Variants in SEC23IP observed in about 807,000 individuals in gnomAD.
SEC23IP encodes the protein SEC23-interacting protein.
In SEC23IP, 70 loss-of-function variants were observed where a neutral mutation model predicts 113.4. That is an observed-to-expected ratio of 0.62 (90% confidence interval 0.51 to 0.75). The LOEUF is 0.75. SEC23IP is among the 30% of genes least tolerant of loss of function. SEC23IP has a pLI of 0.00. For missense variants in SEC23IP, 1,160 were observed against 1,204.9 expected, an observed-to-expected ratio of 0.96 and a Z score of 0.55; for synonymous variants, 398 against 421.0, an observed-to-expected ratio of 0.95 and a Z score of 0.67.
rs530014265 is a variant in SEC23IP, at chr10:119,936,025, A to G, written c.*20+2238A>G. The stretch of plus-strand genomic sequence containing the variant: ...GGCATTGAAGTTATTCTAATCTTTT[A>G]TTAGTATGAACAGTACTACAGTGAT... On this transcript the variant is annotated intron_variant, in intron 18 of 18. Coordinates refer to ENST00000369075, the MANE Select transcript of SEC23IP (RefSeq NM_007190.4). Among the ~76,000 whole-genome samples, 217 of 152,344 alleles carry G rather than the reference A, an allele frequency of 1.4e-3. 4 individuals are homozygous for G. Among genetic ancestry groups the G allele is most frequent in the Non-Finnish European group, 4.4e-4 (30 of 68,032 alleles).
chr10:119,904,564 A>G (rs1418977447), intron 4 of SEC23IP: 1 of 288,626 alleles, frequency 3.5e-6, no homozygotes, highest in African/African-American at 2.2e-5. Flanking sequence ...TGTTGTTGAT[A>G]GAAGATGCCA....
At chr10:119,927,425 T>G (rs1374463751) in intron 13 of SEC23IP, among the ~76,000 whole-genome samples, 1 of 152,206 alleles carries the variant, frequency 6.6e-6, no homozygotes, top group East Asian at 1.9e-4. Flanking sequence ...CTCTGAAACT[T>G]GGAGGGGAAT....
chr10:119,907,252 C>A (rs12359130), intron 4 of SEC23IP, among the ~76,000 whole-genome samples: 2 of 151,362 alleles, frequency 1.3e-5, no homozygotes, highest in East Asian at 3.9e-4. Context: ...GCTGAGATCA[C>A]GCCATTGCAC....
At chr10:119,896,369 G>A (rs1332874998) in intron 1 of SEC23IP, among the ~76,000 whole-genome samples, 2 of 152,320 alleles carry the variant, frequency 1.3e-5, no homozygotes, top group South Asian at 2.1e-4. Flanking sequence ...GAGGTTTCTG[G>A]TTTGAATGTC....
At chr10:119,908,259 A>C (rs1472334024) in intron 4 of SEC23IP, among the ~76,000 whole-genome samples, 1 of 152,102 alleles carries the variant, frequency 6.6e-6, no homozygotes, top group East Asian at 1.9e-4. Flanking sequence ...GCCCACATGA[A>C]AAAAAAGAAA....
chr10:119,905,035 G>A (rs1589826264), intron 4 of SEC23IP, among the ~76,000 whole-genome samples: 1 of 152,116 alleles, frequency 6.6e-6, no homozygotes, highest in East Asian at 1.9e-4. Flanking sequence ...TCGGGAGGCT[G>A]AAGAGGAAGG....
At chr10:119,902,591 A>G (rs1232759713) in intron 2 of SEC23IP, among the ~76,000 whole-genome samples, 2 of 152,102 alleles carry the variant, frequency 1.3e-5, no homozygotes. Flanking sequence ...TGGGGTATAG[A>G]TATCCCTCAC....
chr10:119,917,807 G>T, intron 8 of SEC23IP, 29 bp from the exon 9 acceptor site: 1 of 1,552,400 alleles, frequency 6.4e-7, no homozygotes, highest in South Asian at 1.1e-5. Flanking sequence ...GATGCTGACT[G>T]AATGTGCTGT....
Position 119,898,887 on chromosome 10 carries a change from C to T in SEC23IP, c.624C>T (p.Gly208=). The change falls in exon 2 of 19, where the codon GGC becomes GGT. Residue 208 remains glycine (G), a synonymous_variant. Transcript: ENST00000369075. ...PPQLQQCQTP[G]PPAHPPPSGP... ...AGCTGCAGCAGTGCCAAACACCAGG[C>T]CCTCCTGCTCATCCTCCACCTTCTG... 2 of 1,606,448 alleles carry T rather than the reference C, an allele frequency of 1.2e-6. No homozygotes were observed. Among genetic ancestry groups the T allele is most frequent in the Non-Finnish European group, 1.7e-6 (2 of 1,179,912 alleles).
intron 1 of SEC23IP, among the ~76,000 whole-genome samples, chr10:119,895,677 A>G (rs1253739743): frequency 6.6e-6 from 1 of 152,192 alleles, no homozygotes; most frequent in Non-Finnish European, 1.5e-5. Context: ...AAGGATACAT[A>G]GAAGTGAGGG....
intron 4 of SEC23IP, among the ~76,000 whole-genome samples, chr10:119,905,182 GTA>G (rs985364912): frequency 6.6e-6 from 1 of 151,624 alleles, no homozygotes; most frequent in Non-Finnish European, 1.5e-5. Context: ...ATGTGTGTGT[GTA>G]TATATATAAA....
rs199559061 is a variant in SEC23IP, at chr10:119,901,045, G to C, written c.697-1754G>C. Among the ~76,000 whole-genome samples the C allele has an allele frequency of 3.1e-4, 27 of 87,378 alleles. 1 individual carries two copies. The highest frequency in any genetic ancestry group is 8.5e-4 in the African/African-American group (20 of 23,626). The allele number at this position is 87,378 out of a possible 152,430, so 57.3% of individuals were successfully genotyped here. A position where few individuals can be genotyped will look rare whatever the true frequency, so the allele number is the denominator to read the frequency against. ...CTTCTTTTTTTTTTTTTTAAAGAGT[G>C]GGGGGGGGGTCTTGCTCTGTCATCC... On this transcript the variant is annotated intron_variant, in intron 2 of 18. Coordinates refer to ENST00000369075, the MANE Select transcript of SEC23IP (RefSeq NM_007190.4).
intron 18 of SEC23IP, among the ~76,000 whole-genome samples, chr10:119,934,258 A>G (rs1016833732): frequency 5.9e-5 from 9 of 152,234 alleles, no homozygotes; most frequent in Middle Eastern, 3.2e-3. Flanking sequence ...CCATATCTAC[A>G]TTCACAACAT....
chr10:119,898,016 A>T (rs199905105), intron 1 of SEC23IP, among the ~76,000 whole-genome samples: 8,171 of 81,200 alleles, frequency 0.1, 415 homozygotes, highest in South Asian at 0.39. Context: ...AAAAAAAATA[A>T]AAAAAAAAAA....
chr10:119,932,748 C>T (rs1855648788), intron 16 of SEC23IP, among the ~76,000 whole-genome samples: 2 of 152,146 alleles, frequency 1.3e-5, no homozygotes, highest in Admixed American at 6.5e-5. Flanking sequence ...GATTCTAATC[C>T]TGTTTCCTTT....
chr10:119,937,939 A>G (rs1024510626), intron 18 of SEC23IP, among the ~76,000 whole-genome samples: 2 of 152,002 alleles, frequency 1.3e-5, no homozygotes, highest in African/African-American at 4.8e-5. Context: ...TTATTTGTCT[A>G]TGATACTTCA....
At chr10:119,939,050 C>T (rs1855883658) in intron 18 of SEC23IP, among the ~76,000 whole-genome samples, 1 of 152,040 alleles carries the variant, frequency 6.6e-6, no homozygotes, top group African/African-American at 2.4e-5. Context: ...TGGCTTACAC[C>T]TGTAATCTTA....
rs557388670 is a variant in SEC23IP at position 119,898,872 on chromosome 10, G to T, written c.609G>T (p.Gln203His). Reference sequence around the variant, plus strand: ...ACATTGCACCACCCCAGCTGCAGCAGTGCCAAACACCAGGCCCTCCTGCTC... The same window carrying T: ...ACATTGCACCACCCCAGCTGCAGCATTGCCAAACACCAGGCCCTCCTGCTC... ...NPYIAPPQLQ[Q>H]CQTPGPPAHP... Residue 203 changes from glutamine to histidine, a missense_variant, in exon 2 of 19, where the codon CAG becomes CAT. Gln to His is a conservative substitution (Grantham distance 24). Transcript: ENST00000369075. The T allele has an allele frequency of 5.6e-6, 9 of 1,609,416 alleles. No homozygotes were observed. In the African/African-American group the frequency reaches 6.7e-5, roughly 12 times the overall value.
At chr10:119,921,398 C>T (rs998916736) in intron 12 of SEC23IP, among the ~76,000 whole-genome samples, 1 of 152,192 alleles carries the variant, frequency 6.6e-6, no homozygotes, top group Non-Finnish European at 1.5e-5. Context: ...TGGTCTCAAA[C>T]TCCTGGGCTC....
Sources: allele counts gnomAD v4.1 joint callset (sites outside exome capture counted in the v4.1 genomes callset), GRCh38; gene constraint gnomAD v4.1.1; transcripts MANE v1.5; gene names NCBI Gene and HGNC (gene_info 2026-07-23, HGNC 2026-07-21).